Variants in PREX2 observed in about 807,000 individuals in gnomAD.
The protein encoded by PREX2 is phosphatidylinositol 3,4,5-trisphosphate-dependent Rac exchanger 2 protein.
A neutral mutation model predicts 203.2 loss-of-function variants in PREX2; 107 were observed. The observed-to-expected ratio is 0.53, with a 90% confidence interval of 0.45 to 0.62. The LOEUF is 0.62. Ranked by LOEUF, PREX2 falls within the 20% of genes least tolerant of loss-of-function variation. The pLI, the probability that PREX2 is intolerant of heterozygous loss-of-function variation, is 0.00. For synonymous variants in PREX2, 672 were observed against 663.6 expected (o/e 1.01, Z -0.19); for missense variants, 1,777 against 1,955.9 (o/e 0.91, Z 1.72).
At chr8:68,022,348 T>G (rs1183314963) in intron 4 of PREX2, among the ~76,000 whole-genome samples, 3 of 152,074 alleles carry the variant, frequency 2.0e-5, no homozygotes, top group African/African-American at 7.2e-5. Flanking sequence ...CCCCTCGTGG[T>G]TGATTATGAA....
intron 7 of PREX2, 92 bp downstream of exon 7, chr8:68,038,384 T>TTCTA (rs1426374929): frequency 1.5e-5 from 20 of 1,312,516 alleles, no homozygotes; most frequent in Non-Finnish European, 2.1e-6. Flanking sequence ...AGCTCACAGT[T>TTCTA]TCTACCTTTC....
At chr8:68,112,356 C>T (rs1810551208) in intron 25 of PREX2, among the ~76,000 whole-genome samples, 2 of 152,122 alleles carry the variant, frequency 1.3e-5, no homozygotes, top group African/African-American at 2.4e-5. Flanking sequence ...TGTGTATTCT[C>T]ACAGGGAGGA....
At chr8:68,072,653 T>A in intron 14 of PREX2, 83 bp downstream of exon 14, 1 of 776,098 alleles carries the variant, frequency 1.3e-6, no homozygotes, top group Non-Finnish European at 2.2e-6. Context: ...TTTATTCTTT[T>A]TCATCTGTAG....
intron 1 of PREX2, among the ~76,000 whole-genome samples, chr8:67,982,122 A>G (rs758016748): frequency 3.9e-5 from 6 of 152,138 alleles, no homozygotes; most frequent in Non-Finnish European, 8.8e-5. Context: ...CTTTGTCCCA[A>G]TTCCCTGATT....
intron 34 of PREX2, among the ~76,000 whole-genome samples, chr8:68,154,641 G>T (rs960010615): frequency 1.3e-5 from 2 of 152,302 alleles, no homozygotes; most frequent in Admixed American, 1.3e-4. Context: ...GTGTATTCAG[G>T]ACCAGAATTT....
At chr8:68,167,205 G>A (rs1243638515) in intron 35 of PREX2, among the ~76,000 whole-genome samples, 2 of 152,114 alleles carry the variant, frequency 1.3e-5, no homozygotes, top group African/African-American at 2.4e-5. Flanking sequence ...CTTTAGTGAT[G>A]TCTTATTCCC....
intron 37 of PREX2, among the ~76,000 whole-genome samples, chr8:68,200,497 C>T (rs1294779250): frequency 6.6e-6 from 1 of 151,638 alleles, no homozygotes; most frequent in Admixed American, 6.6e-5. Flanking sequence ...AGGAAGAAAT[C>T]AAATATTGTA....
intron 34 of PREX2, among the ~76,000 whole-genome samples, chr8:68,151,084 G>A (rs747846371): frequency 2.0e-5 from 3 of 152,028 alleles, no homozygotes; most frequent in Non-Finnish European, 4.4e-5. Context: ...AATTCAGTAG[G>A]ACCTCATTTT....
chr8:68,177,438 G>A (rs73263346), intron 35 of PREX2, among the ~76,000 whole-genome samples: 1,567 of 152,212 alleles, frequency 0.01, 27 homozygotes, highest in African/African-American at 0.034. Flanking sequence ...GGGGGCACAT[G>A]CCTATAGTCC....
chr8:68,164,639 G>A (rs1467518551), intron 35 of PREX2, among the ~76,000 whole-genome samples: 2 of 146,450 alleles, frequency 1.4e-5, no homozygotes, highest in Admixed American at 7.0e-5. Flanking sequence ...CGGGAGTGCA[G>A]TGGCACGATC....
At chr8:68,149,500 C>G (rs887272199) in intron 34 of PREX2, among the ~76,000 whole-genome samples, 3 of 152,176 alleles carry the variant, frequency 2.0e-5, no homozygotes, top group African/African-American at 4.8e-5. Context: ...GGCTGGTATT[C>G]CTAAGTGCTT....
At chr8:67,988,250 T>C (rs576498915) in intron 1 of PREX2, among the ~76,000 whole-genome samples, 7 of 152,328 alleles carry the variant, frequency 4.6e-5, no homozygotes, top group South Asian at 2.1e-4. Context: ...AACAGTAGAA[T>C]TGATAGTGGT....
At chr8:68,011,672 G>A (rs7008073) in intron 1 of PREX2, among the ~76,000 whole-genome samples, 67,517 of 151,814 alleles carry the variant, frequency 0.44, 18,717 homozygotes, top group African/African-American at 0.79. Flanking sequence ...TAGCAATTGA[G>A]TCAATGTTTT....
At chr8:68,009,128 G>A (rs922056835) in intron 1 of PREX2, among the ~76,000 whole-genome samples, 3 of 152,076 alleles carry the variant, frequency 2.0e-5, no homozygotes, top group African/African-American at 7.3e-5. Context: ...AGATCTTCAG[G>A]TTGGGATCTT....
intron 1 of PREX2, among the ~76,000 whole-genome samples, chr8:67,953,833 T>G (rs571639288): frequency 4.6e-5 from 7 of 152,242 alleles, no homozygotes; most frequent in Non-Finnish European, 2.9e-5. Context: ...AGAATTATTA[T>G]ATACTTCCTT....
intron 23 of PREX2, chr8:68,105,099 A>G: frequency 7.4e-7 from 1 of 1,358,066 alleles, no homozygotes; most frequent in East Asian, 4.6e-5. Context: ...TCATGCATGA[A>G]CCACCATCAA....
intron 30 of PREX2, among the ~76,000 whole-genome samples, chr8:68,126,548 G>A (rs1025295022): frequency 6.6e-6 from 1 of 151,980 alleles, no homozygotes; most frequent in Non-Finnish European, 1.5e-5. Context: ...GTAAAATGTG[G>A]TGCCCTTTGA....
At chr8:68,035,795 T>A (rs575954237) in intron 6 of PREX2, among the ~76,000 whole-genome samples, 76 of 152,264 alleles carry the variant, frequency 5.0e-4, no homozygotes, top group Admixed American at 4.2e-3. Flanking sequence ...TTGCACTAAT[T>A]CTTGAAGCCT....
intron 10 of PREX2, among the ~76,000 whole-genome samples, chr8:68,060,266 A>C (rs1406316900): frequency 6.6e-6 from 1 of 152,154 alleles, no homozygotes; most frequent in Non-Finnish European, 1.5e-5. Flanking sequence ...AAGACAGTTT[A>C]GCTCTTTATA....
Sources: allele counts gnomAD v4.1 joint callset (sites outside exome capture counted in the v4.1 genomes callset), GRCh38; gene constraint gnomAD v4.1.1; transcripts MANE v1.5; gene names NCBI Gene and HGNC (gene_info 2026-07-23, HGNC 2026-07-21).